The following RALGAPA1 variants were observed in gnomAD, a reference collection of about 807,000 sequenced individuals.
RALGAPA1 encodes Ral GTPase activating protein catalytic subunit alpha 1.
A neutral mutation model predicts 269.6 loss-of-function variants in RALGAPA1; 52 were observed. The observed-to-expected ratio is 0.19, with a 90% confidence interval of 0.15 to 0.24. The LOEUF (loss-of-function observed/expected upper bound fraction) is 0.24. RALGAPA1 is among the 10% of genes least tolerant of loss of function. RALGAPA1 has a pLI of 1.00. For synonymous variants in RALGAPA1, 817 were observed against 1,008.3 expected (o/e 0.81, Z 3.60); for missense variants, 1,917 against 3,013.9 (o/e 0.64, Z 8.52).
chr14:35,754,117 C>G (rs900599220), intron 7 of RALGAPA1, among the ~76,000 whole-genome samples: 4 of 152,054 alleles, frequency 2.6e-5, no homozygotes, highest in African/African-American at 7.2e-5. Flanking sequence ...GACCACAGAC[C>G]TTAATGTAAA....
chr14:35,560,560 T>G (rs1424968657), intron 39 of RALGAPA1, among the ~76,000 whole-genome samples: 1 of 152,210 alleles, frequency 6.6e-6, no homozygotes, highest in African/African-American at 2.4e-5. Flanking sequence ...CTACTTGGTC[T>G]ATATCACTAT....
rs566730369 is a variant in RALGAPA1 at position 35,660,667 on chromosome 14, T to G, written c.5329-1471A>C. ...ACTCCTATGTTCATTGCAGAATTAT[T>G]TACAATAGCCAAGACATGGAAAAAA... On this transcript the variant is annotated intron_variant, in intron 27 of 41. Coordinates refer to ENST00000680220, the MANE Select transcript of RALGAPA1 (RefSeq NM_001346249.2). Among the ~76,000 whole-genome samples, 213 of 152,180 alleles carry G rather than the reference T, an allele frequency of 1.4e-3. 1 individual carries two copies. The highest frequency in any genetic ancestry group is 2.1e-3 in the South Asian group (10 of 4,826).
intron 16 of RALGAPA1, among the ~76,000 whole-genome samples, chr14:35,707,793 A>C (rs1275483570): frequency 6.6e-6 from 1 of 152,196 alleles, no homozygotes; most frequent in Non-Finnish European, 1.5e-5. Flanking sequence ...CAGGCTGTTC[A>C]GATTATCTAG....
At chr14:35,677,715 A>G (rs1362299541) in intron 22 of RALGAPA1, 2 of 441,200 alleles carry the variant, frequency 4.5e-6, no homozygotes, top group East Asian at 5.2e-5. Flanking sequence ...ACTTGAAAAT[A>G]ATGCAATAAC....
At chr14:35,624,899 G>A (rs1041892970) in intron 35 of RALGAPA1, among the ~76,000 whole-genome samples, 8 of 152,070 alleles carry the variant, frequency 5.3e-5, no homozygotes, top group African/African-American at 1.9e-4. Context: ...GCATAAAAAA[G>A]GCATAAACAA....
chr14:35,645,346 G>GTGTGTGTGTGTGT (rs1555387901), intron 31 of RALGAPA1, among the ~76,000 whole-genome samples: 1 of 129,488 alleles, frequency 7.7e-6, no homozygotes, highest in Non-Finnish European at 1.6e-5. Flanking sequence ...TATAGAGATG[G>GTGTGTGTGTGTGT]GTGTGTGTGT....
chr14:35,607,678 AG>A (rs2059682202), intron 35 of RALGAPA1, among the ~76,000 whole-genome samples: 1 of 152,220 alleles, frequency 6.6e-6, no homozygotes, highest in Non-Finnish European at 1.5e-5. Context: ...GTTTTGCCTA[AG>A]GTGAAAAGCA....
chr14:35,756,570 G>A (rs1595445457), intron 7 of RALGAPA1: 1 of 287,748 alleles, frequency 3.5e-6, no homozygotes, highest in African/African-American at 2.2e-5. Flanking sequence ...TACATGAGAA[G>A]TGTAGGAAAT....
chr14:35,695,604 T>C (rs2066840031), intron 17 of RALGAPA1, among the ~76,000 whole-genome samples: 1 of 152,164 alleles, frequency 6.6e-6, no homozygotes, highest in Non-Finnish European at 1.5e-5. Context: ...TTTTGGGAAC[T>C]GGTTGAAAGA....
At chr14:35,709,375 A>G (rs2068091033) in intron 16 of RALGAPA1, among the ~76,000 whole-genome samples, 1 of 152,088 alleles carries the variant, frequency 6.6e-6, no homozygotes, top group Admixed American at 6.6e-5. Flanking sequence ...CAAAAATTAA[A>G]AATAAAAGAA....
At chr14:35,666,418 T>A (rs545115081) in intron 26 of RALGAPA1, among the ~76,000 whole-genome samples, 2 of 152,208 alleles carry the variant, frequency 1.3e-5, no homozygotes, top group African/African-American at 4.8e-5. Context: ...AGAGATGGAG[T>A]TTCACCATGT....
intron 36 of RALGAPA1, among the ~76,000 whole-genome samples, chr14:35,603,207 G>A (rs1297739035): frequency 6.6e-6 from 1 of 152,034 alleles, no homozygotes; most frequent in Non-Finnish European, 1.5e-5. Context: ...AGTAAGTTTT[G>A]AAATCAAGAA....
chr14:35,798,226 C>G (rs911333145), intron 1 of RALGAPA1, among the ~76,000 whole-genome samples: 2 of 147,988 alleles, frequency 1.4e-5, no homozygotes, highest in African/African-American at 5.0e-5. Context: ...GGCTAGTGTG[C>G]AGGGGCATGA....
intron 6 of RALGAPA1, 136 bp downstream of exon 6, chr14:35,760,693 A>G (rs2073623793): frequency 1.7e-6 from 1 of 589,040 alleles, no homozygotes; most frequent in African/African-American, 1.9e-5. Flanking sequence ...CCATACCTGA[A>G]TAATAATAAA....
Position 35,689,784 on chromosome 14 carries a change from C to A in RALGAPA1, c.2627G>T (p.Ser876Ile). ...AGTTATTGAAGAAGCCTCTGTGGAACTCTGCAAGCTTGGTGCATGACGGGA... is the reference window on the plus strand; with the variant it reads ...AGTTATTGAAGAAGCCTCTGTGGAAATCTGCAAGCTTGGTGCATGACGGGA... Reference protein sequence around the residue: ...SSSRHAPSLQSSTEASSITRS... With the variant: ...SSSRHAPSLQISTEASSITRS... Residue 876 changes from serine (S) to isoleucine (I), a missense_variant, in exon 18 of 42, where the codon AGT becomes ATT. Ser to Ile is a moderately radical substitution (Grantham distance 142). Transcript: ENST00000680220. 1 of 1,531,294 alleles carries A rather than the reference C, an allele frequency of 6.5e-7. No individual in the cohort carries two copies. 94.9% of individuals were successfully genotyped at this position (1,531,294 alleles called of 1,614,324 possible). A position where few individuals can be genotyped will look rare whatever the true frequency, so the allele number is the denominator to read the frequency against.
intron 12 of RALGAPA1, among the ~76,000 whole-genome samples, chr14:35,731,170 C>T (rs1199041100): frequency 1.3e-5 from 2 of 152,152 alleles, no homozygotes; most frequent in East Asian, 1.9e-4. Flanking sequence ...GAAGCCACAT[C>T]CATAGGAAAA....
chr14:35,539,621 G>C lies in RALGAPA1; in HGVS notation c.*93C>G, dbSNP rs1276462068. On this transcript the variant is annotated 3_prime_UTR_variant, in exon 42 of 42. Transcript: ENST00000680220. ...TTTGCTAGTTCGAGGAGACATTGGA[G>C]AGGCCAGGTCAGCCCCATCTACCTG... 1.2e-6 allele frequency: 2 copies of C among 1,613,992 alleles called. No individual in the cohort carries two copies. The highest frequency in any genetic ancestry group is 1.7e-5 in the Admixed American group (1 of 59,986).
At chr14:35,736,025 C>A (rs926246844) in intron 12 of RALGAPA1, among the ~76,000 whole-genome samples, 8 of 152,216 alleles carry the variant, frequency 5.3e-5, no homozygotes, top group Non-Finnish European at 8.8e-5. Flanking sequence ...TTTACAGGAT[C>A]CCTCTGGCCA....
In RALGAPA1 at chr14:35,539,744, G is replaced by T. The variant is rs981751542; in HGVS notation, c.*24-54C>A. 5.7e-6 allele frequency: 9 copies of T among 1,591,438 alleles called. No individual in the cohort carries two copies. The African/African-American group carries it at 9.5e-5, about 17-fold the overall frequency. ...AGTTATCCAGCCTCTCATCCCCTGA[G>T]AAATAATCTTTCTGCTACTAATCTG... On this transcript the variant is annotated intron_variant, in intron 41 of 41. Coordinates refer to ENST00000680220, the MANE Select transcript of RALGAPA1 (RefSeq NM_001346249.2).
Sources: allele counts gnomAD v4.1 joint callset (sites outside exome capture counted in the v4.1 genomes callset), GRCh38; gene constraint gnomAD v4.1.1; transcripts MANE v1.5; gene names NCBI Gene and HGNC (gene_info 2026-07-23, HGNC 2026-07-21).